PIP5K1B: variants seen among roughly 807,000 people sequenced by gnomAD.
The protein encoded by PIP5K1B is phosphatidylinositol 4-phosphate 5-kinase type-1 beta.
PIP5K1B carries 42 observed loss-of-function variants against 67.0 expected under a neutral mutation model. That is an observed-to-expected ratio of 0.63 (90% CI 0.49 to 0.81). The LOEUF is 0.81. Ranked by LOEUF, PIP5K1B falls within the 30% of genes least tolerant of loss-of-function variation. The pLI is 0.00. For missense variants in PIP5K1B, 459 were observed against 646.3 expected, an observed-to-expected ratio of 0.71 and a Z score of 3.14; for synonymous variants, 214 against 231.4, an observed-to-expected ratio of 0.92 and a Z score of 0.68.
chr9:69,004,242 C>T (rs371797744), intron 15 of PIP5K1B, among the ~76,000 whole-genome samples: 70 of 152,120 alleles, frequency 4.6e-4, no homozygotes, highest in African/African-American at 1.5e-3. Flanking sequence ...TTTTTACTGT[C>T]AGGTATCAGA....
intron 2 of PIP5K1B, among the ~76,000 whole-genome samples, chr9:68,745,351 AC>A (rs1050548944): frequency 1.3e-5 from 2 of 152,096 alleles, no homozygotes; most frequent in African/African-American, 4.8e-5. Flanking sequence ...TTGTAGCCAC[AC>A]CGTAGGTAAG....
At chr9:68,859,338 G>A (rs1248929092) in intron 4 of PIP5K1B, among the ~76,000 whole-genome samples, 1 of 152,210 alleles carries the variant, frequency 6.6e-6, no homozygotes, top group Non-Finnish European at 1.5e-5. Context: ...CTAAACGTTT[G>A]TGGTTTGCCT....
rs1272654484 is a variant in PIP5K1B, at chr9:68,923,286, G to A, written c.1117-16G>A. 3 of 1,503,256 alleles carry A rather than the reference G, an allele frequency of 2.0e-6. No homozygotes were observed. Among genetic ancestry groups the A allele is most frequent in the Admixed American group, 3.5e-5 (2 of 57,708 alleles). 93.1% of individuals were successfully genotyped at this position (1,503,256 alleles called of 1,614,324 possible). A position where few individuals can be genotyped will look rare whatever the true frequency, so the allele number is the denominator to read the frequency against. ...TTAAGAGGTGACCCTGTGATCCTGG[G>A]TTTTTGTCTTTTCAGGACACTGTTT... is the stretch of plus-strand genomic sequence containing the variant. On this transcript the variant is annotated splice_polypyrimidine_tract_variant and intron_variant, in intron 11 of 15. Transcript: ENST00000265382.
At chr9:68,844,439 G>T (rs1822080402) in intron 4 of PIP5K1B, among the ~76,000 whole-genome samples, 1 of 152,172 alleles carries the variant, frequency 6.6e-6, no homozygotes, top group South Asian at 2.1e-4. Context: ...GTAGCAGCAG[G>T]AGCCAATAAT....
chr9:68,737,657 G>A (rs1014808626), intron 1 of PIP5K1B, among the ~76,000 whole-genome samples: 1 of 152,196 alleles, frequency 6.6e-6, no homozygotes, highest in Non-Finnish European at 1.5e-5. Flanking sequence ...CTTGGAGAGT[G>A]GCAGAGGTTC....
intron 2 of PIP5K1B, chr9:68,789,521 AG>A: frequency 1.9e-6 from 1 of 518,846 alleles, no homozygotes; most frequent in East Asian, 5.5e-5. Context: ...GGTGAGGGGT[AG>A]GGATAACTGG....
At chr9:68,726,356 C>T (rs1828148698) in intron 1 of PIP5K1B, among the ~76,000 whole-genome samples, 1 of 152,048 alleles carries the variant, frequency 6.6e-6, no homozygotes, top group Non-Finnish European at 1.5e-5. Flanking sequence ...AATTACCTGG[C>T]CAAAAATGAG....
intron 6 of PIP5K1B, among the ~76,000 whole-genome samples, chr9:68,885,758 G>A (rs1274949738): frequency 6.6e-6 from 1 of 152,062 alleles, no homozygotes; most frequent in Non-Finnish European, 1.5e-5. Context: ...GGTGATGGGT[G>A]CATTAAAATC....
At chr9:68,785,491 C>T (rs1587445523) in intron 2 of PIP5K1B, among the ~76,000 whole-genome samples, 1 of 152,046 alleles carries the variant, frequency 6.6e-6, no homozygotes, top group East Asian at 1.9e-4. Context: ...ACTTGCCATC[C>T]AAGTAAAAAA....
At chr9:68,724,082 T>C (rs1030230045) in intron 1 of PIP5K1B, among the ~76,000 whole-genome samples, 20 of 152,160 alleles carry the variant, frequency 1.3e-4, no homozygotes, top group Admixed American at 3.9e-4. Flanking sequence ...TTTATTCTTC[T>C]GCATATGGAT....
chr9:68,831,255 C>G (rs1043392377), intron 4 of PIP5K1B, among the ~76,000 whole-genome samples: 1 of 152,088 alleles, frequency 6.6e-6, no homozygotes, highest in Non-Finnish European at 1.5e-5. Context: ...GAATTGAAGC[C>G]TAATTATTAC....
At chr9:68,900,633 C>T (rs186178767) in intron 8 of PIP5K1B, among the ~76,000 whole-genome samples, 108 of 152,234 alleles carry the variant, frequency 7.1e-4, no homozygotes, top group Non-Finnish European at 1.2e-3. Context: ...TATTTTTAAT[C>T]CTTCAAGTGA....
chr9:68,793,082 T>TGTGTATGTGTATACACATCTA (rs1832075193), intron 2 of PIP5K1B, among the ~76,000 whole-genome samples: 1 of 144,042 alleles, frequency 6.9e-6, no homozygotes, highest in Non-Finnish European at 1.5e-5. Flanking sequence ...AGTGTGTATG[T>TGTGTATGTGTATACACATCTA]GTGTATGTGT....
intron 1 of PIP5K1B, among the ~76,000 whole-genome samples, chr9:68,712,591 C>T (rs886204531): frequency 1.1e-4 from 16 of 152,170 alleles, no homozygotes; most frequent in African/African-American, 3.9e-4. Context: ...AAGCCCCATC[C>T]ATCCTGTCAA....
chr9:68,792,344 G>A (rs1048911403), intron 2 of PIP5K1B, among the ~76,000 whole-genome samples: 3 of 152,126 alleles, frequency 2.0e-5, no homozygotes, highest in African/African-American at 4.8e-5. Flanking sequence ...GTTTTGTTTT[G>A]TTTTATTGAG....
At chr9:68,981,471 G>A (rs899556882) in intron 14 of PIP5K1B, among the ~76,000 whole-genome samples, 4 of 151,670 alleles carry the variant, frequency 2.6e-5, no homozygotes, top group African/African-American at 7.3e-5. Context: ...AGGGAATGGC[G>A]GAGGGTGGGG....
chr9:68,863,802 T>TA (rs767859325), intron 4 of PIP5K1B, 35 bp from the exon 5 acceptor site: 40 of 1,605,418 alleles, frequency 2.5e-5, no homozygotes, highest in Non-Finnish European at 3.3e-5. Flanking sequence ...CCCTGACTGT[T>TA]AAGACTAATG....
intron 2 of PIP5K1B, among the ~76,000 whole-genome samples, chr9:68,806,618 C>T (rs1431520997): frequency 3.3e-5 from 5 of 152,210 alleles, no homozygotes; most frequent in African/African-American, 1.2e-4. Context: ...CCCTTGAATT[C>T]CCATCGTATC....
intron 14 of PIP5K1B, among the ~76,000 whole-genome samples, chr9:68,981,281 A>C (rs1829869439): frequency 6.6e-6 from 1 of 152,212 alleles, no homozygotes; most frequent in Non-Finnish European, 1.5e-5. Context: ...GTTACAAAAT[A>C]AAATATAAAT....
Sources: allele counts gnomAD v4.1 joint callset (sites outside exome capture counted in the v4.1 genomes callset), GRCh38; gene constraint gnomAD v4.1.1; transcripts MANE v1.5; gene names NCBI Gene and HGNC (gene_info 2026-07-23, HGNC 2026-07-21).